The following ST7L variants were observed in gnomAD, a reference collection of about 807,000 sequenced individuals.
The protein encoded by ST7L is suppression of tumorigenicity 7 like.
ST7L carries 57 observed loss-of-function variants against 72.5 expected under a neutral mutation model. The observed-to-expected ratio is 0.79, with a 90% CI of 0.64 to 0.98. ST7L has a LOEUF of 0.98. ST7L is among the 50% of genes least tolerant of loss of function. ST7L has a pLI of 0.00. For missense variants in ST7L, 576 were observed against 672.2 expected (o/e 0.86, Z 1.58); for synonymous variants, 221 against 240.9 (o/e 0.92, Z 0.77).
At chr1:112,576,355 G>C (rs1302813207) in intron 11 of ST7L, among the ~76,000 whole-genome samples, 1 of 152,166 alleles carries the variant, frequency 6.6e-6, no homozygotes, top group Non-Finnish European at 1.5e-5. Context: ...GCCTCCCAAA[G>C]TGTTGAGATT....
At chr1:112,604,579 G>C (rs1298370091) in intron 3 of ST7L, among the ~76,000 whole-genome samples, 1 of 151,816 alleles carries the variant, frequency 6.6e-6, no homozygotes, top group Non-Finnish European at 1.5e-5. Context: ...TCAAAAGGAA[G>C]GAAAGGGTAA....
intron 1 of ST7L, 50 bp downstream of exon 1, chr1:112,618,859 G>A (rs1354467414): frequency 3.9e-6 from 6 of 1,531,510 alleles, no homozygotes; most frequent in South Asian, 1.2e-5. Flanking sequence ...TCTTGCCCCC[G>A]ACATCTCTCC....
chr1:112,555,871 C>A lies in ST7L; in HGVS notation c.1393G>T (p.Gly465Cys). Residue 465 changes from glycine to cysteine, a missense_variant, in exon 12 of 15, where the codon GGC (glycine) becomes TGC (cysteine). By Grantham distance (159) the Gly-to-Cys change is radical. Transcript: ENST00000358039. Reference sequence around the variant, plus strand: ...ACTTTTGGAAAAGAATACTTACTGCCTTCCCATGTACACTGTAACAGATTA... The same window carrying A: ...ACTTTTGGAAAAGAATACTTACTGCATTCCCATGTACACTGTAACAGATTA... ...ALNLLQCTWE[G>C]TFRMIPYPLE... 1 of 1,523,042 alleles carries A rather than the reference C, an allele frequency of 6.6e-7. No individual in the cohort carries two copies. The highest frequency in any genetic ancestry group is 8.8e-7 in the Non-Finnish European group (1 of 1,132,184). 94.3% of individuals were successfully genotyped at this position (1,523,042 alleles called of 1,614,324 possible).
At chr1:112,520,376 G>A (rs756961551), downstream of ST7L, 5 of 1,614,120 alleles carry the variant, frequency 3.1e-6, no homozygotes, top group East Asian at 2.2e-5. Flanking sequence ...GACACAACTC[G>A]AGTCACCCGT....
Position 112,619,105 on chromosome 1 carries a change from G to C in ST7L, c.9C>G (p.Asp3Glu), listed in dbSNP as rs145839454. Residue 3 changes from aspartate to glutamate, a missense_variant, in exon 1 of 15, where the codon GAC becomes GAG. Asp to Glu is a conservative substitution (Grantham distance 45). Coordinates refer to ENST00000358039, the MANE Select transcript of ST7L (RefSeq NM_017744.5). ...CTGCGGCTTCACCCACGCCGCCACGGTCCGCCATCTTGCCGCTATCGCAGG... is the reference window on the plus strand; with the variant it reads ...CTGCGGCTTCACCCACGCCGCCACGCTCCGCCATCTTGCCGCTATCGCAGG... MADRGGVGEAAAV... is the reference protein window; with the variant it reads MAERGGVGEAAAV... 81 of 1,613,462 alleles carry C rather than the reference G, an allele frequency of 5.0e-5. 2 individuals carry two copies. The Middle Eastern group carries it at 1.5e-3, about 30-fold the overall frequency.
At chr1:112,584,762 A>G (rs1016814267) in intron 6 of ST7L, among the ~76,000 whole-genome samples, 6 of 152,178 alleles carry the variant, frequency 3.9e-5, no homozygotes, top group African/African-American at 1.4e-4. Flanking sequence ...TGCTGGGATT[A>G]CAGGCGTGAG....
intron 11 of ST7L, among the ~76,000 whole-genome samples, chr1:112,565,834 G>A (rs1310797565): frequency 6.6e-6 from 1 of 151,960 alleles, no homozygotes; most frequent in Non-Finnish European, 1.5e-5. Context: ...CTGGACAAAT[G>A]GCAAAACCCC....
intron 2 of ST7L, among the ~76,000 whole-genome samples, chr1:112,616,579 C>T (rs1409789911): frequency 2.0e-5 from 3 of 151,966 alleles, no homozygotes; most frequent in African/African-American, 7.3e-5. Flanking sequence ...GCCATCTCTA[C>T]TAAAAATACA....
downstream of ST7L, chr1:112,520,660 C>G: frequency 1.2e-6 from 1 of 809,074 alleles, no homozygotes; most frequent in Non-Finnish European, 1.9e-6. Context: ...ACCATGGTGT[C>G]CTGGCTGGTT....
chr1:112,581,102 C>T (rs1216136373), intron 9 of ST7L, among the ~76,000 whole-genome samples: 1 of 152,188 alleles, frequency 6.6e-6, no homozygotes, highest in East Asian at 1.9e-4. Flanking sequence ...AGTAAAAATA[C>T]TTGTCCCACA....
chr1:112,518,571 G>A (rs770019268), downstream of ST7L: 4 of 152,164 alleles, frequency 2.6e-5, no homozygotes, highest in Non-Finnish European at 5.9e-5. Flanking sequence ...CTGCCACTAA[G>A]TATACTTTCC....
At chr1:112,586,612 T>C (rs1664906179) in intron 6 of ST7L, among the ~76,000 whole-genome samples, 1 of 152,232 alleles carries the variant, frequency 6.6e-6, no homozygotes, top group Non-Finnish European at 1.5e-5. Flanking sequence ...ATACTTTTAA[T>C]GACTGTATGG....
In ST7L at chr1:112,565,113, C is replaced by T. The variant is rs1304823133; in HGVS notation, c.1246-9095G>A. Among the ~76,000 whole-genome samples, 4 of 150,674 alleles carry T rather than the reference C, an allele frequency of 2.7e-5. No individual in the cohort carries two copies. The South Asian group carries it at 6.3e-4, about 24-fold the overall frequency. Reference sequence around the variant, plus strand: ...AGGCTGGAGTGCAATGGCGCGATCTCGGCTCACTGCAACCTCTGCCGTCCA... The same window carrying T: ...AGGCTGGAGTGCAATGGCGCGATCTTGGCTCACTGCAACCTCTGCCGTCCA... On this transcript the variant is annotated intron_variant, in intron 11 of 14. Transcript: ENST00000358039.
At chr1:112,596,048 T>G (rs114035858) in intron 5 of ST7L, among the ~76,000 whole-genome samples, 1,810 of 152,020 alleles carry the variant, frequency 0.012, 36 homozygotes, top group African/African-American at 0.041. Flanking sequence ...GAAAGGGTGG[T>G]GAGACCTAAC....
chr1:112,569,357 A>T (rs1661660081), intron 11 of ST7L, among the ~76,000 whole-genome samples: 1 of 152,250 alleles, frequency 6.6e-6, no homozygotes, highest in East Asian at 1.9e-4. Flanking sequence ...AATGTGGTAC[A>T]ATGGAATAGT....
intron 1 of ST7L, among the ~76,000 whole-genome samples, chr1:112,617,584 C>T (rs1314272680): frequency 6.6e-6 from 1 of 151,974 alleles, no homozygotes; most frequent in Non-Finnish European, 1.5e-5. Context: ...TGGTGGTGCA[C>T]GCCTGCAGTC....
At position 112,578,398 on chromosome 1, in the gene ST7L, T is replaced by C. The variant is rs765795569; in HGVS notation, c.1089A>G (p.Ser363=). The change falls in exon 10 of 15, where the codon TCA becomes TCG. Residue 363 remains serine, a synonymous_variant. Coordinates refer to ENST00000358039, the MANE Select transcript of ST7L (RefSeq NM_017744.5). ...AKYDDISLPK[S]AAICYTAALL... ...GTGCTGCTGTGTAACAGATTGCTGCTGACTTTGGAAGGCTTATATCTGTAA... is the reference window on the plus strand; with the variant it reads ...GTGCTGCTGTGTAACAGATTGCTGCCGACTTTGGAAGGCTTATATCTGTAA... 1.9e-6 allele frequency: 3 copies of C among 1,614,046 alleles called. No individual in the cohort carries two copies. Among genetic ancestry groups the C allele is most frequent in the Admixed American group, 1.7e-5 (1 of 60,012 alleles).
chr1:112,598,049 A>C lies in ST7L; in HGVS notation c.544T>G (p.Tyr182Asp). Residue 182 changes from tyrosine to aspartate, a missense_variant, in exon 5 of 15, where the codon TAT becomes GAT. Coordinates refer to ENST00000358039, the MANE Select transcript of ST7L (RefSeq NM_017744.5). ...TCCTGAGCTGACAGGTTCATGTCAT[A>C]GTATGTAAGTGGCTCTTTACCAGTC... ...WVTGKEPLTY[Y>D]DMNLSAQDHQ... 3 of 1,613,204 alleles carry C rather than the reference A, an allele frequency of 1.9e-6. No individual in the cohort carries two copies. The highest frequency in any genetic ancestry group is 2.5e-6 in the Non-Finnish European group (3 of 1,179,716).
chr1:112,602,100 A>G (rs1228886011), intron 3 of ST7L, among the ~76,000 whole-genome samples: 8 of 151,498 alleles, frequency 5.3e-5, no homozygotes, highest in South Asian at 4.2e-4. Flanking sequence ...AAAAAAAAAA[A>G]AAAGAAAAGA....
Sources: allele counts gnomAD v4.1 joint callset (sites outside exome capture counted in the v4.1 genomes callset), GRCh38; gene constraint gnomAD v4.1.1; transcripts MANE v1.5; gene names NCBI Gene and HGNC (gene_info 2026-07-23, HGNC 2026-07-21).